TNRC6C: variants seen among roughly 807,000 people sequenced by gnomAD.
TNRC6C encodes trinucleotide repeat-containing gene 6C protein.
In TNRC6C, 20 loss-of-function variants were observed where a neutral mutation model predicts 153.7. The ratio of observed to expected loss-of-function variants is 0.13; its 90% CI spans 0.09 to 0.19. TNRC6C has a LOEUF of 0.19. TNRC6C is among the 10% of genes least tolerant of loss of function. TNRC6C has a pLI of 1.00. For missense variants in TNRC6C, 1,987 were observed against 2,172.0 expected, an observed-to-expected ratio of 0.91 and a Z score of 1.69; for synonymous variants, 811 against 841.4, an observed-to-expected ratio of 0.96 and a Z score of 0.63.
chr17:77,968,832 A>G (rs1199122688), intron 1 of TNRC6C, among the ~76,000 whole-genome samples: 1 of 152,202 alleles, frequency 6.6e-6, no homozygotes. Flanking sequence ...AAAAGTTCTC[A>G]TTAGTTTCTC....
chr17:78,046,185 CT>C (rs567181283), intron 2 of TNRC6C, among the ~76,000 whole-genome samples: 334 of 141,488 alleles, frequency 2.4e-3, no homozygotes, highest in African/African-American at 2.5e-3. Flanking sequence ...TTTTAGGATT[CT>C]TTTTTTTTTT....
chr17:78,102,803 C>T, intron 18 of TNRC6C: 1 of 477,970 alleles, frequency 2.1e-6, no homozygotes, highest in Non-Finnish European at 3.7e-6. Flanking sequence ...AAAGTGTGCT[C>T]TGTAAATAGA....
upstream of TNRC6C, among the ~76,000 whole-genome samples, chr17:78,002,595 A>G (rs912048357): frequency 1.3e-5 from 2 of 152,236 alleles, no homozygotes; most frequent in Admixed American, 6.5e-5. Flanking sequence ...CAGAGCACTT[A>G]TAAAGCTATT....
chr17:77,980,941 C>G (rs2071067337), intron 1 of TNRC6C, among the ~76,000 whole-genome samples: 1 of 152,282 alleles, frequency 6.6e-6, no homozygotes, highest in South Asian at 2.1e-4. Flanking sequence ...GCTCTCCAAA[C>G]CCAATCCTTT....
rs750043672 is a variant in TNRC6C at position 78,049,207 on chromosome 17, G to T, written c.145G>T (p.Ala49Ser). 1.2e-5 allele frequency: 20 copies of T among 1,612,996 alleles called. No individual in the cohort carries two copies. The highest frequency in any genetic ancestry group is 1.7e-5 in the Non-Finnish European group (20 of 1,179,482). Residue 49 changes from alanine (A) to serine (S), a missense_variant, in exon 3 of 20, where the codon GCC (alanine) becomes TCC (serine). Ala to Ser is a moderately conservative substitution (Grantham distance 99, BLOSUM62 1). Transcript: ENST00000301624. This position sits in a 1 kb window ranked among gnomAD's most constrained non-coding sequence, Gnocchi z 4.1. ...GGGAGCGAACAGTAATGGAAGTGCG[G>T]CCAGAGTGTGGGGTGTAGCCACAGG...
chr17:77,988,860 A>G (rs1052237176), intron 1 of TNRC6C, among the ~76,000 whole-genome samples: 2 of 152,256 alleles, frequency 1.3e-5, no homozygotes, highest in Non-Finnish European at 2.9e-5. Flanking sequence ...TGTAAGAGCC[A>G]CATTCTGGAT....
chr17:78,067,309 A>G lies in TNRC6C; in HGVS notation c.2612-448A>G, dbSNP rs554089780. Reference sequence around the variant, plus strand: ...TGCAGTGAGCTGTGATTGCACTACTATAATCCGGGCAACAGAGCAAGACCC... The same window carrying G: ...TGCAGTGAGCTGTGATTGCACTACTGTAATCCGGGCAACAGAGCAAGACCC... On this transcript the variant is annotated intron_variant, in intron 4 of 19. Transcript: ENST00000301624. Among the ~76,000 whole-genome samples, 463 of 152,294 alleles carry G rather than the reference A, an allele frequency of 3.0e-3. 2 individuals carry two copies. The highest frequency in any genetic ancestry group is 4.5e-3 in the Non-Finnish European group (308 of 68,018).
In TNRC6C at chr17:77,968,539, A is replaced by T. The variant is rs142487889; in HGVS notation, c.-38+9271A>T. 6.6e-3 allele frequency among the ~76,000 whole-genome samples: 986 copies of T among 150,248 alleles called. 14 individuals are homozygous for T. Among genetic ancestry groups the T allele is most frequent in the African/African-American group, 0.023 (921 of 40,736 alleles). ...GTATTTTTAGTAGAGACAGGGTTTC[A>T]CCATGTTGGCCAGGATGGTCTCTTA... On this transcript the variant is annotated intron_variant, in intron 1 of 22. Coordinates refer to the TNRC6C transcript ENST00000636222.
intron 1 of TNRC6C, among the ~76,000 whole-genome samples, chr17:78,012,467 C>T (rs1220183938): frequency 2.6e-5 from 4 of 152,082 alleles, no homozygotes; most frequent in Non-Finnish European, 5.9e-5. Context: ...GTGTAACAAA[C>T]CTTCATATGT....
intron 8 of TNRC6C, 109 bp from the exon 11 acceptor site, chr17:78,077,076 C>G (rs1004984305): frequency 6.4e-6 from 8 of 1,253,986 alleles, no homozygotes; most frequent in Non-Finnish European, 8.6e-6. Flanking sequence ...CTTTTTTGAT[C>G]TGTTAATTAT....
intron 1 of TNRC6C, among the ~76,000 whole-genome samples, chr17:77,993,201 A>G (rs922958254): frequency 6.6e-6 from 1 of 152,120 alleles, no homozygotes; most frequent in Non-Finnish European, 1.5e-5. Flanking sequence ...ACCTCAGGTA[A>G]TCCACCCGCC....
At chr17:77,973,691 C>G (rs1036192810) in intron 1 of TNRC6C, among the ~76,000 whole-genome samples, 1 of 152,176 alleles carries the variant, frequency 6.6e-6, no homozygotes, top group African/African-American at 2.4e-5. Context: ...TTTCTTGATG[C>G]TGGCAGTAAA....
At chr17:78,059,858 A>G (rs1045380341) in intron 3 of TNRC6C, among the ~76,000 whole-genome samples, 9 of 151,710 alleles carry the variant, frequency 5.9e-5, no homozygotes, top group Admixed American at 6.6e-5. Flanking sequence ...AAAAAAAAAA[A>G]AAAAAGAAAA....
Position 78,104,584 on chromosome 17 carries a change from C to G in TNRC6C, c.4812C>G (p.Ser1604Arg). 1 of 1,554,174 alleles carries G rather than the reference C, an allele frequency of 6.4e-7. No homozygotes were observed. Among genetic ancestry groups the G allele is most frequent in the Non-Finnish European group, 8.7e-7 (1 of 1,148,880 alleles). Residue 1604 changes from serine (S) to arginine (R), a missense_variant, in exon 20 of 20, where the codon AGC becomes AGG. This residue lies in a region of TNRC6C where 139 missense variants were observed against 148.5 expected (regional missense o/e 0.94). Coordinates refer to ENST00000301624, the Ensembl canonical transcript of TNRC6C. This position sits in a 1 kb window ranked among gnomAD's most constrained non-coding sequence, Gnocchi z 6.2. ...GCCAGGCGCTGCCACCCACTTCCAGCTGGCAGTCCAGCAGCGCGTCCAGCC... is the reference window on the plus strand; with the variant it reads ...GCCAGGCGCTGCCACCCACTTCCAGGTGGCAGTCCAGCAGCGCGTCCAGCC...
chr17:77,957,587 G>A (rs1434855684), upstream of TNRC6C, among the ~76,000 whole-genome samples: 1 of 152,196 alleles, frequency 6.6e-6, no homozygotes, highest in Non-Finnish European at 1.5e-5. Flanking sequence ...ACAGGGACAC[G>A]TAGACAGGGA....
At chr17:77,978,196 C>A (rs2071029382) in intron 1 of TNRC6C, among the ~76,000 whole-genome samples, 1 of 152,128 alleles carries the variant, frequency 6.6e-6, no homozygotes, top group Non-Finnish European at 1.5e-5. Flanking sequence ...CGCGCCCGGC[C>A]TAAAACCTCT....
chr17:78,023,832 G>A (rs533383522), intron 1 of TNRC6C, among the ~76,000 whole-genome samples: 2 of 151,990 alleles, frequency 1.3e-5, no homozygotes, highest in East Asian at 1.9e-4. Context: ...AAGCCTGGCC[G>A]GGCACTGTGG....
intron 15 of TNRC6C, 96 bp downstream of exon 17, chr17:78,093,220 C>A: frequency 1.5e-6 from 2 of 1,326,748 alleles, no homozygotes; most frequent in Non-Finnish European, 2.1e-6. Flanking sequence ...AGAATCTGAG[C>A]TAAGGATCTG....
At chr17:78,028,827 A>C (rs2071999111) in intron 1 of TNRC6C, among the ~76,000 whole-genome samples, 1 of 152,224 alleles carries the variant, frequency 6.6e-6, no homozygotes, top group African/African-American at 2.4e-5. Context: ...AATTGAGTAG[A>C]AAACCAAAAA....
Sources: gnomAD v4.1 joint callset for allele counts (sites outside exome capture counted in the v4.1 genomes callset) on GRCh38, gnomAD v4.1.1 for gene constraint, gnomAD v4.1.1 regional missense constraint, Gnocchi (gnomAD v3.1) non-coding constraint, MANE v1.5 for transcripts, NCBI Gene and HGNC (gene_info 2026-07-23, HGNC 2026-07-21) for gene names.